LHFPL3: variants seen among roughly 807,000 people sequenced by gnomAD.
LHFPL3 encodes the protein LHFPL tetraspan subfamily member 3, also known as LHFPL tetraspan subfamily member 3 protein.
LHFPL3 carries 5 observed loss-of-function variants against 19.3 expected under a neutral mutation model. That is an observed-to-expected ratio of 0.26 (90% confidence interval 0.14 to 0.54). The LOEUF (loss-of-function observed/expected upper bound fraction) is 0.54, where lower values mean the gene tolerates loss of function less well. LHFPL3 is among the 20% of genes least tolerant of loss of function. The pLI is 0.94. For missense variants in LHFPL3, 249 were observed against 307.4 expected, an observed-to-expected ratio of 0.81 and a Z score of 1.42; for synonymous variants, 133 against 126.2, an observed-to-expected ratio of 1.05 and a Z score of -0.36.
In LHFPL3 at chr7:104,736,660, CT is replaced by C. The variant is rs553848841; in HGVS notation, c.446-14del. 2.4e-4 allele frequency: 381 copies of C among 1,562,770 alleles called. 2 individuals are homozygous for C. In the South Asian group the frequency reaches 3.2e-3, roughly 13 times the overall value. On this transcript the variant is annotated splice_polypyrimidine_tract_variant and intron_variant, in intron 1 of 2. Transcript: ENST00000424859. Reference sequence around the variant, plus strand: ...TCTTTTTTGTTTCTTTTGTTTTTCTCTCTTTCTCTCCAAGCTGCCTGCCTTG... The same window carrying C: ...TCTTTTTTGTTTCTTTTGTTTTTCTCCTTTCTCTCCAAGCTGCCTGCCTTG...
rs374851265 is a variant in LHFPL3 at position 104,670,373 on chromosome 7, A to G, written c.446-66302A>G. Among the ~76,000 whole-genome samples the G allele has an allele frequency of 2.0e-3, 298 of 152,256 alleles. 3 individuals carry two copies. The highest frequency in any genetic ancestry group is 6.0e-3 in the African/African-American group (251 of 41,558). Reference sequence around the variant, plus strand: ...CACTTGGGGGTCGTGGTAATTCCCAATGTTTTCTGTGTCCTAGTTTTACCC... The same window carrying G: ...CACTTGGGGGTCGTGGTAATTCCCAGTGTTTTCTGTGTCCTAGTTTTACCC... On this transcript the variant is annotated intron_variant, in intron 1 of 2. Transcript: ENST00000424859.
At chr7:104,813,042 A>G (rs1196544274) in intron 2 of LHFPL3, among the ~76,000 whole-genome samples, 1 of 152,002 alleles carries the variant, frequency 6.6e-6, no homozygotes, top group African/African-American at 2.4e-5. Flanking sequence ...TGAACCCAGG[A>G]GGCGGAGGTT....
In LHFPL3 at chr7:104,570,029, G is replaced by A. The variant is rs181566394; in HGVS notation, c.446-166646G>A. Among the ~76,000 whole-genome samples, 6 of 152,286 alleles carry A rather than the reference G, an allele frequency of 3.9e-5. No individual in the cohort carries two copies. In the East Asian group the frequency reaches 5.8e-4, roughly 15 times the overall value. ...GTTTTGAAGCATTAGAGTCTTATGC[G>A]AAAATGCTAATTTCTCTCAAATACA... On this transcript the variant is annotated intron_variant, in intron 1 of 2. Coordinates refer to ENST00000424859, the MANE Select transcript of LHFPL3 (RefSeq NM_199000.3).
rs553732782 is a variant in LHFPL3 at position 104,607,461 on chromosome 7, A to G, written c.446-129214A>G. On this transcript the variant is annotated intron_variant, in intron 1 of 2. Transcript: ENST00000424859. Reference sequence around the variant, plus strand: ...ATACAGAACCATATGTTCAGATCACAGTTGTTTATATGTCTACCAAAGGCT... The same window carrying G: ...ATACAGAACCATATGTTCAGATCACGGTTGTTTATATGTCTACCAAAGGCT... 3.7e-4 allele frequency among the ~76,000 whole-genome samples: 56 copies of G among 152,334 alleles called. 1 individual carries two copies. In the South Asian group the frequency reaches 0.011, roughly 30 times the overall value.
At chr7:104,775,893 T>C (rs1205321000) in intron 2 of LHFPL3, among the ~76,000 whole-genome samples, 1 of 151,488 alleles carries the variant, frequency 6.6e-6, no homozygotes, top group Admixed American at 6.6e-5. Flanking sequence ...AAAAAATGCA[T>C]GCTCACATTT....
At chr7:104,646,850 A>G (rs767849158) in intron 1 of LHFPL3, among the ~76,000 whole-genome samples, 2 of 152,232 alleles carry the variant, frequency 1.3e-5, no homozygotes, top group Non-Finnish European at 2.9e-5. Flanking sequence ...TTTGAATACC[A>G]GATTCTGGGT....
intron 1 of LHFPL3, among the ~76,000 whole-genome samples, chr7:104,688,074 A>C (rs1425304773): frequency 6.6e-6 from 1 of 152,202 alleles, no homozygotes; most frequent in Non-Finnish European, 1.5e-5. Context: ...ATGCAAAATA[A>C]ATGCGTTTGA....
At chr7:104,758,848 C>T (rs947096496) in intron 2 of LHFPL3, among the ~76,000 whole-genome samples, 19 of 152,122 alleles carry the variant, frequency 1.2e-4, no homozygotes, top group East Asian at 3.9e-4. Flanking sequence ...TAAAAGAAGA[C>T]GAAATATTTA....
At chr7:104,761,365 T>A (rs1219008692) in intron 2 of LHFPL3, among the ~76,000 whole-genome samples, 1 of 152,100 alleles carries the variant, frequency 6.6e-6, no homozygotes, top group Non-Finnish European at 1.5e-5. Context: ...AGGGTGTGGG[T>A]GTATTTGAAT....
intron 1 of LHFPL3, among the ~76,000 whole-genome samples, chr7:104,387,851 G>A (rs1008572243): frequency 5.3e-5 from 8 of 152,102 alleles, no homozygotes; most frequent in African/African-American, 1.7e-4. Flanking sequence ...TAGGTAAATT[G>A]TGTGTGATGG....
intron 1 of LHFPL3, among the ~76,000 whole-genome samples, chr7:104,343,334 G>A (rs1451238983): frequency 6.6e-6 from 1 of 151,628 alleles, no homozygotes; most frequent in East Asian, 1.9e-4. Context: ...CCAACAGAGT[G>A]AAACCCCATC....
intron 1 of LHFPL3, among the ~76,000 whole-genome samples, chr7:104,642,322 C>T (rs988407895): frequency 3.9e-5 from 6 of 152,074 alleles, no homozygotes; most frequent in Admixed American, 2.6e-4. Flanking sequence ...GCCACCGTAC[C>T]TGGCCCTAGG....
Position 104,535,816 on chromosome 7 carries a change from T to C in LHFPL3, c.446-200859T>C, listed in dbSNP as rs191882631. Among the ~76,000 whole-genome samples, 6 of 152,120 alleles carry C rather than the reference T, an allele frequency of 3.9e-5. No homozygotes were observed. In the East Asian group the frequency reaches 1.2e-3, roughly 29 times the overall value. On this transcript the variant is annotated intron_variant, in intron 1 of 2. Transcript: ENST00000424859. The stretch of plus-strand genomic sequence containing the variant: ...TAGGGGACATTTAAAATAGCAGCTG[T>C]AGAAAGAGTAAGCTTGTGATCAATG...
At chr7:104,490,977 AC>A (rs2115691600) in intron 1 of LHFPL3, among the ~76,000 whole-genome samples, 1 of 152,184 alleles carries the variant, frequency 6.6e-6, no homozygotes, top group Non-Finnish European at 1.5e-5. Flanking sequence ...GCCCTCCAGG[AC>A]CCTAGGCTTC....
At chr7:104,612,404 G>GGGAT (rs1402484076) in intron 1 of LHFPL3, among the ~76,000 whole-genome samples, 2 of 152,054 alleles carry the variant, frequency 1.3e-5, no homozygotes, top group African/African-American at 2.4e-5. Flanking sequence ...GATGGATGGA[G>GGGAT]GGATGGATGG....
chr7:104,457,170 CAGGTT>C (rs1448686203), intron 1 of LHFPL3, among the ~76,000 whole-genome samples: 1 of 151,936 alleles, frequency 6.6e-6, no homozygotes, highest in Non-Finnish European at 1.5e-5. Flanking sequence ...GCACAATGTG[CAGGTT>C]AGTTACATAT....
rs895841934 is a variant in LHFPL3, at chr7:104,870,864, C to T, written c.683-35323C>T. On this transcript the variant is annotated intron_variant, in intron 2 of 2. Transcript: ENST00000424859. ...AAAGGATGTATAGCATCCTCCAAAA[C>T]ATCCTAAAGAGGAGGAAAGGATCTC... Among the ~76,000 whole-genome samples, 10 of 152,182 alleles carry T rather than the reference C, an allele frequency of 6.6e-5. No homozygotes were observed. The East Asian group carries it at 1.7e-3, about 26-fold the overall frequency.
At chr7:104,690,530 CA>C (rs1454917181) in intron 1 of LHFPL3, among the ~76,000 whole-genome samples, 1 of 152,200 alleles carries the variant, frequency 6.6e-6, no homozygotes, top group Non-Finnish European at 1.5e-5. Flanking sequence ...CAAGAAGTAG[CA>C]AACACTCTGG....
At chr7:104,775,852 C>CT (rs11454604) in intron 2 of LHFPL3, among the ~76,000 whole-genome samples, 112,281 of 146,628 alleles carry the variant, frequency 0.77, 43,074 homozygotes, top group South Asian at 0.83. Flanking sequence ...TCTTTTCTGT[C>CT]TTTTTTTTTT....
Sources: allele counts gnomAD v4.1 joint callset (sites outside exome capture counted in the v4.1 genomes callset), GRCh38; gene constraint gnomAD v4.1.1; transcripts MANE v1.5; gene names NCBI Gene and HGNC (gene_info 2026-07-23, HGNC 2026-07-21).